SKAP1: variants seen among roughly 807,000 people sequenced by gnomAD.
The protein encoded by SKAP1 is src kinase-associated phosphoprotein 1.
In SKAP1, 44 loss-of-function variants were observed where a neutral mutation model predicts 58.5. The observed-to-expected ratio is 0.75, with a 90% CI of 0.59 to 0.97. The LOEUF (loss-of-function observed/expected upper bound fraction) is 0.97, where lower values mean the gene tolerates loss of function less well. Among genes scored for constraint, SKAP1 ranks in the 50% least tolerant of loss-of-function variants. The probability of loss-of-function intolerance (pLI) is 0.00; values close to 1 mark genes in which losing one functional copy is unlikely to be tolerated. For synonymous variants in SKAP1, 127 were observed against 149.7 expected, an observed-to-expected ratio of 0.85 and a Z score of 1.11; for missense variants, 390 against 435.2, an observed-to-expected ratio of 0.90 and a Z score of 0.92.
At chr17:48,140,520 T>C (rs1473379922) in intron 11 of SKAP1, among the ~76,000 whole-genome samples, 1 of 152,214 alleles carries the variant, frequency 6.6e-6, no homozygotes, top group Non-Finnish European at 1.5e-5. Flanking sequence ...TGTTTATCAC[T>C]CATGACCACA....
At chr17:48,157,838 C>G (rs186801079) in intron 11 of SKAP1, among the ~76,000 whole-genome samples, 23 of 150,316 alleles carry the variant, frequency 1.5e-4, no homozygotes, top group Middle Eastern at 3.4e-3. Context: ...CACTGGGGAG[C>G]ATCTTTCTTG....
intron 4 of SKAP1, among the ~76,000 whole-genome samples, chr17:48,191,558 G>T (rs769827050): frequency 8.0e-4 from 121 of 152,150 alleles, no homozygotes; most frequent in Non-Finnish European, 1.3e-3. Flanking sequence ...GCTATGAGCT[G>T]GCACTTTGCT....
chr17:48,289,992 T>G (rs999952686), intron 4 of SKAP1, among the ~76,000 whole-genome samples: 2 of 152,184 alleles, frequency 1.3e-5, no homozygotes, highest in Admixed American at 6.5e-5. Flanking sequence ...CAGTCAATAG[T>G]ACCCTGAAGT....
At chr17:48,179,948 G>A in intron 9 of SKAP1, 106 bp downstream of exon 9, 2 of 1,014,652 alleles carry the variant, frequency 2.0e-6, no homozygotes, top group Non-Finnish European at 2.9e-6. Context: ...TTCAGAGGAT[G>A]AGGGTTAGAT....
At chr17:48,412,845 T>A (rs2067681769) in intron 1 of SKAP1, among the ~76,000 whole-genome samples, 1 of 152,140 alleles carries the variant, frequency 6.6e-6, no homozygotes, top group Non-Finnish European at 1.5e-5. Context: ...TGATTTTACT[T>A]TTCAAGTTTG....
At chr17:48,342,588 C>T (rs575673688) in intron 4 of SKAP1, among the ~76,000 whole-genome samples, 11 of 152,148 alleles carry the variant, frequency 7.2e-5, no homozygotes, top group Non-Finnish European at 4.4e-5. Context: ...TGGATGGGCC[C>T]GACTGTGTAT....
chr17:48,346,946 C>T (rs2066731095), intron 3 of SKAP1, among the ~76,000 whole-genome samples: 1 of 152,114 alleles, frequency 6.6e-6, no homozygotes, highest in African/African-American at 2.4e-5. Flanking sequence ...TAATATTTGT[C>T]CTGTAAAATG....
chr17:48,406,167 A>G (rs2067580523), intron 1 of SKAP1, among the ~76,000 whole-genome samples: 1 of 151,706 alleles, frequency 6.6e-6, no homozygotes, highest in South Asian at 2.1e-4. Context: ...TGGGAGGCTG[A>G]GGCAGGAGAA....
intron 1 of SKAP1, among the ~76,000 whole-genome samples, chr17:48,414,887 T>C (rs1456769864): frequency 2.0e-5 from 3 of 152,236 alleles, no homozygotes. Context: ...TCTCATCTTG[T>C]ACATTCACAA....
At chr17:48,430,297 C>T, upstream of SKAP1, 1 of 331,282 alleles carries the variant, frequency 3.0e-6, no homozygotes, top group Non-Finnish European at 5.1e-6. Flanking sequence ...GTGGCGCGGG[C>T]GGCAGGCGGG....
intron 4 of SKAP1, among the ~76,000 whole-genome samples, chr17:48,293,074 T>C (rs187142403): frequency 6.6e-6 from 1 of 152,302 alleles, no homozygotes; most frequent in Admixed American, 6.5e-5. Flanking sequence ...TCATAAAAAA[T>C]CTACATTTGA....
chr17:48,435,908 A>G, the SKAP1 span, among the ~76,000 whole-genome samples: 106,621 of 152,166 alleles, frequency 0.7, 37,681 homozygotes, highest in African/African-American at 0.79. Flanking sequence ...ACAGACAGAA[A>G]CACTAGAGTC....
At chr17:48,311,270 A>C (rs2066221188) in intron 4 of SKAP1, among the ~76,000 whole-genome samples, 1 of 152,188 alleles carries the variant, frequency 6.6e-6, no homozygotes, top group African/African-American at 2.4e-5. Flanking sequence ...TTTGGGTTTA[A>C]ATACCTGATC....
chr17:48,206,462 A>C (rs562358012), intron 4 of SKAP1, among the ~76,000 whole-genome samples: 43 of 152,176 alleles, frequency 2.8e-4, no homozygotes, highest in Admixed American at 1.2e-3. Flanking sequence ...GGTATAAAAA[A>C]TAAAGAAATA....
chr17:48,279,594 G>GA (rs1352547235), intron 4 of SKAP1, among the ~76,000 whole-genome samples: 1 of 152,008 alleles, frequency 6.6e-6, no homozygotes, highest in African/African-American at 2.4e-5. Flanking sequence ...TTTTTTAATG[G>GA]AAAAAAATGA....
At chr17:48,342,809 C>A (rs1227155973) in intron 4 of SKAP1, among the ~76,000 whole-genome samples, 1 of 152,038 alleles carries the variant, frequency 6.6e-6, no homozygotes, top group African/African-American at 2.4e-5. Context: ...CACGGTGAAA[C>A]CCCGTCTCTA....
In SKAP1 at chr17:48,186,328, C is replaced by T. The variant is rs1009998325; in HGVS notation, c.443-1481G>A. 5.3e-5 allele frequency among the ~76,000 whole-genome samples: 8 copies of T among 151,424 alleles called. No individual in the cohort carries two copies. In the South Asian group the frequency reaches 1.2e-3, roughly 24 times the overall value. ...GGGCTTTAGCCTTTGCCCCTAGATG[C>T]GAAATGTTCTGAGGAATCTAGGATG... On this transcript the variant is annotated intron_variant, in intron 6 of 12. Coordinates refer to ENST00000336915, the MANE Select transcript of SKAP1 (RefSeq NM_003726.4).
chr17:48,326,574 AC>A (rs1173849807), intron 4 of SKAP1, among the ~76,000 whole-genome samples: 1 of 152,228 alleles, frequency 6.6e-6, no homozygotes, highest in Non-Finnish European at 1.5e-5. Flanking sequence ...AAATTCAAAC[AC>A]TTGGACATTA....
In SKAP1 at chr17:48,243,480, C is replaced by T. The variant is rs186664364; in HGVS notation, c.281-53980G>A. ...ATCTTTTGGAAATAGGATCTTCACA[C>T]TAAAAAGGAACAAAATCCTGTTTTT... On this transcript the variant is annotated intron_variant, in intron 4 of 12. Coordinates refer to ENST00000336915, the MANE Select transcript of SKAP1 (RefSeq NM_003726.4). Among the ~76,000 whole-genome samples the T allele has an allele frequency of 5.1e-3, 779 of 152,120 alleles. 1 individual carries two copies. The highest frequency in any genetic ancestry group is 0.015 in the African/African-American group (604 of 41,494).
Sources: gnomAD v4.1 joint callset for allele counts (sites outside exome capture counted in the v4.1 genomes callset) on GRCh38, gnomAD v4.1.1 for gene constraint, MANE v1.5 for transcripts, NCBI Gene and HGNC (gene_info 2026-07-23, HGNC 2026-07-21) for gene names.